PAPPA: variants seen among roughly 807,000 people sequenced by gnomAD.
The protein encoded by PAPPA is pappalysin 1, also known as pappalysin-1.
PAPPA carries 60 observed loss-of-function variants against 164.0 expected under a neutral mutation model. The observed-to-expected ratio is 0.37, with a 90% CI of 0.30 to 0.45. The LOEUF (loss-of-function observed/expected upper bound fraction) is 0.45, where lower values mean the gene tolerates loss of function less well. Ranked by LOEUF, PAPPA falls within the 20% of genes least tolerant of loss-of-function variation. The pLI is 1.00. For missense variants in PAPPA, 1,782 were observed against 2,087.3 expected, an observed-to-expected ratio of 0.85 and a Z score of 2.85; for synonymous variants, 875 against 814.1, an observed-to-expected ratio of 1.07 and a Z score of -1.27.
At chr9:116,191,789 C>T (rs1844045782) in intron 2 of PAPPA, among the ~76,000 whole-genome samples, 1 of 152,086 alleles carries the variant, frequency 6.6e-6, no homozygotes, top group Non-Finnish European at 1.5e-5. Flanking sequence ...AAACAGATGG[C>T]ACATTCAAAC....
intron 21 of PAPPA, among the ~76,000 whole-genome samples, chr9:116,393,129 C>T (rs1031632134): frequency 6.6e-6 from 1 of 152,128 alleles, no homozygotes; most frequent in African/African-American, 2.4e-5. Flanking sequence ...GCCTTACCAG[C>T]CAACAATTTT....
intron 13 of PAPPA, among the ~76,000 whole-genome samples, chr9:116,344,115 G>GT (rs1463744640): frequency 6.6e-6 from 1 of 151,986 alleles, no homozygotes; most frequent in Non-Finnish European, 1.5e-5. Context: ...TCTGCTATGC[G>GT]TTTTTTTCTA....
intron 1 of PAPPA, among the ~76,000 whole-genome samples, chr9:116,157,235 T>A (rs200675104): frequency 6.6e-6 from 1 of 152,080 alleles, no homozygotes; most frequent in Non-Finnish European, 1.5e-5. Context: ...TGCTCCCAGA[T>A]CCGCCCGGGA....
At chr9:116,374,266 T>C (rs551729000) in intron 19 of PAPPA, among the ~76,000 whole-genome samples, 5 of 152,060 alleles carry the variant, frequency 3.3e-5, no homozygotes, top group Admixed American at 1.3e-4. Context: ...GAAGAAAAGA[T>C]AGTCTATTCT....
intron 6 of PAPPA, among the ~76,000 whole-genome samples, chr9:116,231,663 ATGGATGGATG>A (rs1564192583): frequency 0.051 from 8 of 158 alleles, no homozygotes; most frequent in Non-Finnish European, 0.023. Context: ...GAATGGGCGG[ATGGATGGATG>A]GATGGATGGA....
At chr9:116,374,173 A>T (rs10817875) in intron 19 of PAPPA, among the ~76,000 whole-genome samples, 2 of 139,520 alleles carry the variant, frequency 1.4e-5, no homozygotes, top group Admixed American at 7.5e-5. Context: ...GGTGGTGTTG[A>T]TGATGATGAT....
At chr9:116,263,931 T>C (rs1243236444) in intron 7 of PAPPA, among the ~76,000 whole-genome samples, 1 of 152,186 alleles carries the variant, frequency 6.6e-6, no homozygotes, top group African/African-American at 2.4e-5. Flanking sequence ...CTTTTCATAC[T>C]CACCCTTTTC....
intron 2 of PAPPA, among the ~76,000 whole-genome samples, chr9:116,207,180 G>C (rs533480433): frequency 6.6e-6 from 1 of 152,060 alleles, no homozygotes; most frequent in Non-Finnish European, 1.5e-5. Context: ...TATGAAGAAG[G>C]TTCTCTAAGC....
rs1417843576 is a variant in PAPPA, at chr9:116,154,688, G to C, written c.415+101G>C. ...GCGGGCGGGTCGGGGGCTTGCGGGC[G>C]TGTCTGTGCGAGAGCTGCCCCGCGA... On this transcript the variant is annotated intron_variant, in intron 1 of 21. Coordinates refer to ENST00000328252, the MANE Select transcript of PAPPA (RefSeq NM_002581.5). This position sits in a 1 kb window ranked among gnomAD's most constrained non-coding sequence, Gnocchi z 5.2. The C allele has an allele frequency of 6.6e-6, 8 of 1,220,328 alleles. No individual in the cohort carries two copies. The Admixed American group carries it at 1.7e-4, about 26-fold the overall frequency. The allele number at this position is 1,220,328 out of a possible 1,614,324, so 75.6% of individuals were successfully genotyped here.
chr9:116,202,831 A>G (rs973661755), intron 2 of PAPPA, among the ~76,000 whole-genome samples: 1 of 152,146 alleles, frequency 6.6e-6, no homozygotes, highest in Non-Finnish European at 1.5e-5. Flanking sequence ...CTTGCAATTA[A>G]AAAAATATGT....
intron 7 of PAPPA, among the ~76,000 whole-genome samples, chr9:116,240,116 C>T (rs1844718396): frequency 6.6e-6 from 1 of 152,200 alleles, no homozygotes. Context: ...ATAAAGCAAA[C>T]CAGGAACAGT....
intron 9 of PAPPA, among the ~76,000 whole-genome samples, chr9:116,293,472 G>C (rs1043347330): frequency 6.6e-6 from 1 of 152,226 alleles, no homozygotes; most frequent in African/African-American, 2.4e-5. Context: ...AAGACTCATA[G>C]GCAGGACCAG....
At position 116,154,155 on chromosome 9, in the gene PAPPA, C is replaced by CGGGGGGGGAGGGGGGAGGGGGGGGG; in HGVS notation, c.-12_-11insGGAGGGGGGAGGGGGGGGGGGGGGG. ...TGGCGGTGCAGGGGCGAAGGGGGGG[C>CGGGGGGGGAGGGGGGAGGGGGGGGG]GGGGGGAACCGTCGGACATGCGGCT... On this transcript the variant is annotated 5_prime_UTR_variant, in exon 1 of 22. Coordinates refer to ENST00000328252, the MANE Select transcript of PAPPA (RefSeq NM_002581.5). The surrounding 1 kb of genome is among the most constrained non-coding windows in gnomAD (Gnocchi z 5.2). 2.2e-6 allele frequency: 1 copy of CGGGGGGGGAGGGGGGAGGGGGGGGG among 464,990 alleles called. No individual in the cohort carries two copies. The highest frequency in any genetic ancestry group is 2.9e-6 in the Non-Finnish European group (1 of 345,720). The allele number at this position is 464,990 out of a possible 1,614,324, so 28.8% of individuals were successfully genotyped here. A position where few individuals can be genotyped will look rare whatever the true frequency, so the allele number is the denominator to read the frequency against.
chr9:116,217,135 A>G (rs1844383757), intron 4 of PAPPA, among the ~76,000 whole-genome samples: 1 of 152,220 alleles, frequency 6.6e-6, no homozygotes, highest in African/African-American at 2.4e-5. Context: ...AACAAATGTG[A>G]AAATGGTTCC....
intron 21 of PAPPA, among the ~76,000 whole-genome samples, chr9:116,384,434 G>A (rs570056506): frequency 4.7e-4 from 72 of 152,052 alleles, no homozygotes; most frequent in African/African-American, 1.6e-3. Flanking sequence ...CAGCCTAGGC[G>A]ATAGGGTGAG....
chr9:116,320,689 C>T (rs189775536), intron 10 of PAPPA, among the ~76,000 whole-genome samples: 12 of 152,200 alleles, frequency 7.9e-5, no homozygotes, highest in African/African-American at 2.4e-4. Flanking sequence ...AGCCTGGCTC[C>T]CCCCTCTCTT....
intron 6 of PAPPA, among the ~76,000 whole-genome samples, chr9:116,228,829 G>A (rs376254): frequency 0.99 from 150,868 of 152,174 alleles, 74,801 homozygotes; most frequent in Middle Eastern, 1. Context: ...AGTTTTTTAG[G>A]AAGTTCTCGA....
At position 116,271,482 on chromosome 9, in the gene PAPPA, A is replaced by G; in HGVS notation, c.2953+66A>G. The stretch of plus-strand genomic sequence containing the variant: ...AACGGTGCAGAATGGTTGGTCAATG[A>G]TAATGCCAACAATAGTTATGACTAA... On this transcript the variant is annotated intron_variant, in intron 9 of 21. Transcript: ENST00000328252. This position sits in a 1 kb window ranked among gnomAD's most constrained non-coding sequence, Gnocchi z 4.2. 9.1e-7 allele frequency: 1 copy of G among 1,098,052 alleles called. No individual in the cohort carries two copies. Among genetic ancestry groups the G allele is most frequent in the Admixed American group, 1.7e-5 (1 of 58,960 alleles). The allele number at this position is 1,098,052 out of a possible 1,614,324, so 68.0% of individuals were successfully genotyped here. A position where few individuals can be genotyped will look rare whatever the true frequency, so the allele number is the denominator to read the frequency against.
chr9:116,227,276 C>T (rs62574201), intron 5 of PAPPA, among the ~76,000 whole-genome samples, 155 bp from the exon 6 acceptor site: 2,666 of 152,248 alleles, frequency 0.018, 37 homozygotes, highest in Middle Eastern at 0.065. Context: ...ATTTCACTTA[C>T]GGTTATTTCC....
Sources: allele counts gnomAD v4.1 joint callset (sites outside exome capture counted in the v4.1 genomes callset), GRCh38; gene constraint gnomAD v4.1.1; non-coding constraint Gnocchi (gnomAD v3.1); transcripts MANE v1.5; gene names NCBI Gene and HGNC (gene_info 2026-07-23, HGNC 2026-07-21).